CADM2: variants seen among roughly 807,000 people sequenced by gnomAD.
CADM2 encodes the protein immunoglobulin superfamily member 4D.
In CADM2, 12 loss-of-function variants were observed where a neutral mutation model predicts 49.8. That is an observed-to-expected ratio of 0.24 (90% CI 0.15 to 0.39). The LOEUF (loss-of-function observed/expected upper bound fraction) is 0.39. Among genes scored for constraint, CADM2 ranks in the 10% least tolerant of loss-of-function variants. The pLI is 1.00. For missense variants in CADM2, 378 were observed against 492.3 expected (o/e 0.77, Z 2.20); for synonymous variants, 214 against 175.4 (o/e 1.22, Z -1.74).
intron 8 of CADM2, among the ~76,000 whole-genome samples, chr3:85,999,986 A>G (rs1298357908): frequency 1.3e-5 from 2 of 152,186 alleles, no homozygotes; most frequent in Non-Finnish European, 2.9e-5. Flanking sequence ...GAGATGTTGA[A>G]TATATTGTTT....
intron 1 of CADM2, among the ~76,000 whole-genome samples, chr3:85,347,815 T>TG (rs2030896772): frequency 6.9e-6 from 1 of 145,852 alleles, no homozygotes; most frequent in Non-Finnish European, 1.5e-5. Flanking sequence ...CAGTTTTTTG[T>TG]TTTTTTTTTT....
intron 1 of CADM2, among the ~76,000 whole-genome samples, chr3:85,116,379 C>T (rs114375233): frequency 0.025 from 3,750 of 152,168 alleles, 83 homozygotes; most frequent in East Asian, 0.046. Context: ...TCTGCTTGCT[C>T]TTGTGTAGAG....
chr3:85,107,699 C>A (rs1482937787), intron 1 of CADM2, among the ~76,000 whole-genome samples: 1 of 92,780 alleles, frequency 1.1e-5, no homozygotes, highest in Admixed American at 1.4e-4. Context: ...CTTTCTTTCT[C>A]TTTCTTTTTT....
chr3:85,939,468 A>AAAACACACAC (rs1553710488), intron 7 of CADM2, among the ~76,000 whole-genome samples: 78 of 137,080 alleles, frequency 5.7e-4, no homozygotes, highest in African/African-American at 2.1e-3. Flanking sequence ...AGTAAACGAA[A>AAAACACACAC]ACACACACAC....
intron 1 of CADM2, among the ~76,000 whole-genome samples, chr3:85,543,214 A>C (rs936376494): frequency 1.3e-5 from 2 of 151,726 alleles, no homozygotes; most frequent in Non-Finnish European, 2.9e-5. Context: ...ACCCATATCT[A>C]AAGTTCCACA....
At chr3:85,592,947 A>G (rs2063147406) in intron 1 of CADM2, among the ~76,000 whole-genome samples, 1 of 151,782 alleles carries the variant, frequency 6.6e-6, no homozygotes, top group Admixed American at 6.6e-5. Context: ...GATTGAGAAC[A>G]TGTGTTTAGT....
intron 1 of CADM2, among the ~76,000 whole-genome samples, chr3:85,674,178 C>CA (rs2065826110): frequency 6.6e-6 from 1 of 152,060 alleles, no homozygotes. Context: ...ACACACAGAA[C>CA]TGTATTAAAT....
intron 1 of CADM2, among the ~76,000 whole-genome samples, chr3:85,703,923 AC>A (rs2066859380): frequency 2.0e-5 from 3 of 152,206 alleles, no homozygotes; most frequent in South Asian, 4.1e-4. Context: ...TGTTTCCTGA[AC>A]CCCTTCTACA....
chr3:85,526,267 A>G (rs1407334078), intron 1 of CADM2, among the ~76,000 whole-genome samples: 1 of 151,090 alleles, frequency 6.6e-6, no homozygotes, highest in Non-Finnish European at 1.5e-5. Flanking sequence ...TTTAGTAGGA[A>G]GGTAAATCTG....
At chr3:85,074,179 T>C (rs2036858815) in intron 1 of CADM2, among the ~76,000 whole-genome samples, 1 of 152,062 alleles carries the variant, frequency 6.6e-6, no homozygotes, top group African/African-American at 2.4e-5. Flanking sequence ...ACATTAACTG[T>C]CTTACTCTGC....
chr3:85,508,112 G>C (rs2040439334), intron 1 of CADM2, among the ~76,000 whole-genome samples: 1 of 152,094 alleles, frequency 6.6e-6, no homozygotes, highest in Admixed American at 6.6e-5. Context: ...AGTACAAAGA[G>C]GTGAAATCTT....
intron 1 of CADM2, among the ~76,000 whole-genome samples, chr3:85,462,133 T>C (rs1020789206): frequency 6.6e-6 from 1 of 152,162 alleles, no homozygotes; most frequent in Non-Finnish European, 1.5e-5. Context: ...ACATCTAATC[T>C]ATGATTTTTG....
At position 85,628,856 on chromosome 3, in the gene CADM2, ACT is replaced by A. The variant is rs539690066; in HGVS notation, c.62-97663_62-97662del. 5.4e-3 allele frequency among the ~76,000 whole-genome samples: 807 copies of A among 150,612 alleles called. 6 individuals carry two copies. The highest frequency in any genetic ancestry group is 0.011 in the Admixed American group (163 of 15,030). On this transcript the variant is annotated intron_variant, in intron 1 of 9. Transcript: ENST00000383699. ...TATCTCCAATTTTTTTGTTTCTTTG[ACT>A]CTTATCGTTTTTCTTTAATATTCTT...
At chr3:85,897,200 AT>A (rs1559728582) in intron 5 of CADM2, among the ~76,000 whole-genome samples, 2 of 134,668 alleles carry the variant, frequency 1.5e-5, no homozygotes, top group African/African-American at 5.4e-5. Flanking sequence ...AGCATTATTA[AT>A]GTTTCTGAGA....
At chr3:85,726,871 G>A (rs1005003992) in intron 2 of CADM2, among the ~76,000 whole-genome samples, 2 of 151,828 alleles carry the variant, frequency 1.3e-5, no homozygotes, top group Non-Finnish European at 2.9e-5. Context: ...TGAGAATTGG[G>A]CAAAATACAG....
At chr3:85,093,445 A>T in intron 1 of CADM2, among the ~76,000 whole-genome samples, 1 of 144,164 alleles carries the variant, frequency 6.9e-6, no homozygotes, top group South Asian at 2.2e-4. Flanking sequence ...TGAACACGGG[A>T]GGTGGAGGTT....
At position 85,641,666 on chromosome 3, in the gene CADM2, C is replaced by T. The variant is rs187708411; in HGVS notation, c.62-84856C>T. Among the ~76,000 whole-genome samples the T allele has an allele frequency of 6.1e-3, 932 of 152,092 alleles. 12 individuals carry two copies. Among genetic ancestry groups the T allele is most frequent in the African/African-American group, 0.022 (898 of 41,508 alleles). On this transcript the variant is annotated intron_variant, in intron 1 of 9. Coordinates refer to ENST00000383699, the MANE Select transcript of CADM2 (RefSeq NM_001167675.2). Reference sequence around the variant, plus strand: ...AATGGGCCGGGCACGGTGGCTCATGCCTGTAATCCCAGCACTTTGGGAGGC... The same window carrying T: ...AATGGGCCGGGCACGGTGGCTCATGTCTGTAATCCCAGCACTTTGGGAGGC...
At chr3:85,448,621 G>T (rs1324709925) in intron 1 of CADM2, among the ~76,000 whole-genome samples, 1 of 152,052 alleles carries the variant, frequency 6.6e-6, no homozygotes, top group Non-Finnish European at 1.5e-5. Context: ...GTGTGTGTGT[G>T]AACATATGGT....
chr3:85,741,011 C>T (rs1160034845), intron 2 of CADM2, among the ~76,000 whole-genome samples: 2 of 152,088 alleles, frequency 1.3e-5, no homozygotes, highest in Non-Finnish European at 2.9e-5. Flanking sequence ...AATGAACAGG[C>T]ACTTTTATGT....
Sources: allele counts gnomAD v4.1 joint callset (sites outside exome capture counted in the v4.1 genomes callset), GRCh38; gene constraint gnomAD v4.1.1; transcripts MANE v1.5; gene names NCBI Gene and HGNC (gene_info 2026-07-23, HGNC 2026-07-21).